The following CNPY1 variants were observed in gnomAD, a reference collection of about 807,000 sequenced individuals.
The protein encoded by CNPY1 is canopy FGF signaling regulator 1, also known as protein canopy homolog 1.
In CNPY1, 14 loss-of-function variants were observed where a neutral mutation model predicts 14.4. That is an observed-to-expected ratio of 0.97 (90% confidence interval 0.64 to 1.52). The LOEUF (loss-of-function observed/expected upper bound fraction) is 1.52, where lower values mean the gene tolerates loss of function less well. Ranked by LOEUF, CNPY1 falls within the 40% of genes most tolerant of loss-of-function variation. The probability of loss-of-function intolerance (pLI) is 0.00; values close to 1 mark genes in which losing one functional copy is unlikely to be tolerated. For missense variants in CNPY1, 129 were observed against 131.5 expected (o/e 0.98, Z 0.09); for synonymous variants, 43 against 46.5 (o/e 0.92, Z 0.31).
At chr7:155,503,199 A>G in intron 4 of CNPY1, 94 bp from the exon 5 acceptor site, 2 of 1,013,034 alleles carry the variant, frequency 2.0e-6, no homozygotes, top group South Asian at 1.5e-5. Context: ...GTTCTGGTAG[A>G]AGCATATTTT....
chr7:155,515,305 C>T (rs115039525), intron 2 of CNPY1, among the ~76,000 whole-genome samples: 33 of 143,324 alleles, frequency 2.3e-4, no homozygotes, highest in Middle Eastern at 3.5e-3. Flanking sequence ...CCCCCCCCCC[C>T]CCCGGCCCCG....
At chr7:155,538,794 T>G (rs1309857007) in intron 2 of CNPY1, among the ~76,000 whole-genome samples, 1 of 152,140 alleles carries the variant, frequency 6.6e-6, no homozygotes, top group Non-Finnish European at 1.5e-5. Flanking sequence ...CCCCCTCCTA[T>G]TCACCTCCTG....
intron 2 of CNPY1, among the ~76,000 whole-genome samples, chr7:155,531,764 CA>C (rs1796941260): frequency 6.6e-6 from 1 of 152,246 alleles, no homozygotes; most frequent in South Asian, 2.1e-4. Context: ...GCAAGAATGT[CA>C]GGCCCAATGG....
chr7:155,527,054 C>CTTTCTTTCTTTCTTTCTTTTTTTTTTTT (rs56296833), intron 2 of CNPY1, among the ~76,000 whole-genome samples: 2 of 90,344 alleles, frequency 2.2e-5, no homozygotes, highest in African/African-American at 1.0e-4. Flanking sequence ...TTCTTTCTTT[C>CTTTCTTTCTTTCTTTCTTTTTTTTTTTT]TTTTTTTTTT....
chr7:155,507,040 T>G lies in CNPY1; in HGVS notation c.380A>C (p.Lys127Thr). 1 of 1,611,598 alleles carries G rather than the reference T, an allele frequency of 6.2e-7. No homozygotes were observed. Among genetic ancestry groups the G allele is most frequent in the Non-Finnish European group, 8.5e-7 (1 of 1,178,044 alleles). ...AGTACCTGATTTTTCACTGCACAGC[T>G]TGTCAGCTAGATAGTGTGTCTCCTG... is the stretch of plus-strand genomic sequence containing the variant. ...IAQETHYLADKLCSEKSDLCE... is the reference protein window; with the variant it reads ...IAQETHYLADTLCSEKSDLCE... Residue 127 changes from lysine to threonine, a missense_variant, in exon 4 of 5, where the codon AAG becomes ACG. Transcript: ENST00000636446.
At chr7:155,529,242 G>A (rs10230380) in intron 2 of CNPY1, among the ~76,000 whole-genome samples, 4,576 of 152,214 alleles carry the variant, frequency 0.03, 239 homozygotes, top group African/African-American at 0.1. Flanking sequence ...GACGTTCTAC[G>A]TGAAATCTTG....
At position 155,502,750 on chromosome 7, in the gene CNPY1, T is replaced by A. The variant is rs1796157224; in HGVS notation, c.*318A>T. 2.9e-6 allele frequency: 1 copy of A among 343,666 alleles called. No homozygotes were observed. Among genetic ancestry groups the A allele is most frequent in the African/African-American group, 2.1e-5 (1 of 48,050 alleles). 21.3% of individuals were successfully genotyped at this position (343,666 alleles called of 1,614,324 possible). On this transcript the variant is annotated 3_prime_UTR_variant, in exon 5 of 5. Coordinates refer to ENST00000636446, the MANE Select transcript of CNPY1 (RefSeq NM_001393663.1). ...AAAATAAGCAGCATACATTATGAAA[T>A]CCCTATTTTGTTTATGAAATGTCTT... is the stretch of plus-strand genomic sequence containing the variant.
chr7:155,538,292 A>G (rs1005174241), intron 2 of CNPY1, among the ~76,000 whole-genome samples: 1 of 152,222 alleles, frequency 6.6e-6, no homozygotes, highest in African/African-American at 2.4e-5. Flanking sequence ...CCTGCAGTCC[A>G]TCTGCACACC....
At chr7:155,534,049 G>A (rs1796990305) in intron 2 of CNPY1, among the ~76,000 whole-genome samples, 1 of 152,160 alleles carries the variant, frequency 6.6e-6, no homozygotes, top group South Asian at 2.1e-4. Context: ...TGGCCCCGCC[G>A]GGAAGAGCAC....
chr7:155,505,146 A>G (rs759239143), intron 4 of CNPY1, among the ~76,000 whole-genome samples: 2 of 152,166 alleles, frequency 1.3e-5, no homozygotes, highest in Non-Finnish European at 2.9e-5. Flanking sequence ...GGATTAATTT[A>G]TTCTCGGTTT....
intron 2 of CNPY1, among the ~76,000 whole-genome samples, chr7:155,542,483 T>C (rs1481430977): frequency 1.3e-5 from 2 of 152,218 alleles, no homozygotes; most frequent in African/African-American, 2.4e-5. Flanking sequence ...TCCTGACTGA[T>C]GCTGGGGCCT....
At position 155,536,958 on chromosome 7, in the gene CNPY1, T is replaced by C. The variant is rs1020408258; in HGVS notation, c.99+8873A>G. 5.9e-5 allele frequency among the ~76,000 whole-genome samples: 9 copies of C among 152,168 alleles called. No homozygotes were observed. Among genetic ancestry groups the C allele is most frequent in the African/African-American group, 1.9e-4 (8 of 41,440 alleles). ...AAATAAAATAGAAGATGGTACACAA[T>C]AAAAGCCACCAAATAAATTAAAAAT... On this transcript the variant is annotated intron_variant, in intron 2 of 4. Coordinates refer to ENST00000636446, the MANE Select transcript of CNPY1 (RefSeq NM_001393663.1). The surrounding 1 kb of genome is among the most constrained non-coding windows in gnomAD (Gnocchi z 4.1).
At chr7:155,537,921 TAAAC>T (rs1797042248) in intron 2 of CNPY1, among the ~76,000 whole-genome samples, 2 of 152,152 alleles carry the variant, frequency 1.3e-5, no homozygotes, top group Admixed American at 6.5e-5. Context: ...TTTTAACAGA[TAAAC>T]AAAAAAAGAA....
At position 155,540,626 on chromosome 7, in the gene CNPY1, C is replaced by T. The variant is rs1045431177; in HGVS notation, c.99+5205G>A. ...GAGAGCGAGGCCTTGCTCTCACACTCAGCCGAGGCAGAGGACGCCCCTGAG... is the reference window on the plus strand; with the variant it reads ...GAGAGCGAGGCCTTGCTCTCACACTTAGCCGAGGCAGAGGACGCCCCTGAG... On this transcript the variant is annotated intron_variant, in intron 2 of 4. Transcript: ENST00000636446. 3.9e-5 allele frequency among the ~76,000 whole-genome samples: 6 copies of T among 152,364 alleles called. No individual in the cohort carries two copies. In the East Asian group the frequency reaches 5.8e-4, roughly 15 times the overall value.
chr7:155,544,143 G>A (rs2116762555), intron 2 of CNPY1, among the ~76,000 whole-genome samples: 1 of 152,288 alleles, frequency 6.6e-6, no homozygotes, highest in Non-Finnish European at 1.5e-5. Flanking sequence ...AATTTGAGGA[G>A]GGTGGAAGGT....
rs1170818616 is a variant in CNPY1, at chr7:155,501,436, TACG to T, written c.*1629_*1631del. ...ACAGATTTGGCAACACTTCTACGGT[TACG>T]ACCGTGAACAGTTTTCACTGAAGCT... On this transcript the variant is annotated 3_prime_UTR_variant, in exon 5 of 5. Transcript: ENST00000636446. 4 of 152,234 alleles carry T rather than the reference TACG, an allele frequency of 2.6e-5. No homozygotes were observed. Among genetic ancestry groups the T allele is most frequent in the African/African-American group, 9.6e-5 (4 of 41,460 alleles). The allele number at this position is 152,234 out of a possible 1,614,324, so 9.4% of individuals were successfully genotyped here. A position where few individuals can be genotyped will look rare whatever the true frequency, so the allele number is the denominator to read the frequency against.
intron 2 of CNPY1, among the ~76,000 whole-genome samples, chr7:155,542,298 C>T (rs1797093514): frequency 6.6e-6 from 1 of 150,970 alleles, no homozygotes; most frequent in South Asian, 2.1e-4. Flanking sequence ...CCAGCTGCTC[C>T]CCGGACCTAC....
intron 2 of CNPY1, among the ~76,000 whole-genome samples, chr7:155,544,781 G>A (rs993703629): frequency 6.6e-6 from 1 of 152,176 alleles, no homozygotes; most frequent in Admixed American, 6.5e-5. Context: ...TGCCAGACAC[G>A]GCTCTTGAAG....
rs1796135825 is a variant in CNPY1, at chr7:155,502,134, G to GT, written c.*933dup. 6.6e-6 allele frequency: 1 copy of GT among 152,120 alleles called. No homozygotes were observed. The highest frequency in any genetic ancestry group is 1.5e-5 in the Non-Finnish European group (1 of 68,028). The allele number at this position is 152,120 out of a possible 1,614,324, so 9.4% of individuals were successfully genotyped here. On this transcript the variant is annotated 3_prime_UTR_variant, in exon 5 of 5. Transcript: ENST00000636446. Reference sequence around the variant, plus strand: ...AAGTCAGATTCCATTGAATGCAAATGTAACAGAGATAAAGAAATTTCCGGG... The same window carrying GT: ...AAGTCAGATTCCATTGAATGCAAATGTTAACAGAGATAAAGAAATTTCCGGG...
Sources: gnomAD v4.1 joint callset for allele counts (sites outside exome capture counted in the v4.1 genomes callset) on GRCh38, gnomAD v4.1.1 for gene constraint, Gnocchi (gnomAD v3.1) non-coding constraint, MANE v1.5 for transcripts, NCBI Gene and HGNC (gene_info 2026-07-23, HGNC 2026-07-21) for gene names.